The following HSPA12A variants were observed in gnomAD, a reference collection of about 807,000 sequenced individuals.
The protein encoded by HSPA12A is heat shock protein family A (Hsp70) member 12A.
A neutral mutation model predicts 69.2 loss-of-function variants in HSPA12A; 28 were observed. The ratio of observed to expected loss-of-function variants is 0.40; its 90% CI spans 0.30 to 0.55. The LOEUF (loss-of-function observed/expected upper bound fraction) is 0.55. HSPA12A is among the 20% of genes least tolerant of loss of function. HSPA12A has a pLI of 0.38. For synonymous variants in HSPA12A, 345 were observed against 370.5 expected (o/e 0.93, Z 0.79); for missense variants, 686 against 900.7 (o/e 0.76, Z 3.05).
upstream of HSPA12A, among the ~76,000 whole-genome samples, chr10:116,850,742 C>G (rs948518373): frequency 6.6e-6 from 1 of 152,152 alleles, no homozygotes; most frequent in African/African-American, 2.4e-5. Flanking sequence ...TACTGAGCCC[C>G]TTGTGCTGCG....
chr10:116,769,010 G>GT (rs1393972931), intron 2 of HSPA12A, among the ~76,000 whole-genome samples: 2 of 152,172 alleles, frequency 1.3e-5, no homozygotes, highest in Admixed American at 6.5e-5. Context: ...ACTGGACGTT[G>GT]TGATTCTTGC....
intron 1 of HSPA12A, chr10:116,849,545 C>T: frequency 6.6e-7 from 1 of 1,512,232 alleles, no homozygotes; most frequent in Non-Finnish European, 8.9e-7. Flanking sequence ...CTAAACCCCG[C>T]TGTAGCCTTA....
chr10:116,746,511 C>T (rs1233924326), upstream of HSPA12A, among the ~76,000 whole-genome samples: 3 of 152,178 alleles, frequency 2.0e-5, no homozygotes, highest in Non-Finnish European at 4.4e-5. Flanking sequence ...TGGACCAGGG[C>T]TCAAGTGGGC....
chr10:116,714,622 T>G (rs1354569024), intron 1 of HSPA12A, among the ~76,000 whole-genome samples: 1 of 152,168 alleles, frequency 6.6e-6, no homozygotes, highest in African/African-American at 2.4e-5. Context: ...CTGGTCAAAA[T>G]CAAGGTCTGC....
intron 3 of HSPA12A, among the ~76,000 whole-genome samples, chr10:116,702,357 T>A (rs1850104966): frequency 6.6e-6 from 1 of 152,066 alleles, no homozygotes; most frequent in African/African-American, 2.4e-5. Flanking sequence ...GGAGGGAAAA[T>A]GAGCCACTTT....
At chr10:116,728,747 G>A (rs1228536240) in intron 1 of HSPA12A, among the ~76,000 whole-genome samples, 8 of 152,280 alleles carry the variant, frequency 5.3e-5, no homozygotes, top group Non-Finnish European at 8.8e-5. Flanking sequence ...TATATGCAGA[G>A]CAGGAGTTTT....
intron 2 of HSPA12A, among the ~76,000 whole-genome samples, chr10:116,756,990 T>G (rs1843864180): frequency 6.6e-6 from 1 of 152,216 alleles, no homozygotes; most frequent in Non-Finnish European, 1.5e-5. Flanking sequence ...TTTAATTCAC[T>G]TAATCTTCCA....
intron 2 of HSPA12A, among the ~76,000 whole-genome samples, chr10:116,809,092 G>A (rs986165663): frequency 5.3e-5 from 8 of 152,282 alleles, no homozygotes; most frequent in Admixed American, 5.2e-4. Flanking sequence ...CCGATCTCTA[G>A]AGGCAGGGAA....
At chr10:116,751,187 C>A in intron 2 of HSPA12A, 1 of 240,788 alleles carries the variant, frequency 4.2e-6, no homozygotes, top group South Asian at 7.1e-5. Context: ...CCCAAAATGT[C>A]CCTTGCTCAG....
chr10:116,720,574 G>A (rs1424795777), intron 1 of HSPA12A, among the ~76,000 whole-genome samples: 1 of 152,254 alleles, frequency 6.6e-6, no homozygotes, highest in Non-Finnish European at 1.5e-5. Flanking sequence ...GCTGCAGGCT[G>A]ACTTGCTGGT....
chr10:116,797,584 A>G (rs1165412599), intron 2 of HSPA12A, among the ~76,000 whole-genome samples: 1 of 152,216 alleles, frequency 6.6e-6, no homozygotes, highest in Non-Finnish European at 1.5e-5. Flanking sequence ...CAAATGCAGT[A>G]TTGACACGCT....
At chr10:116,829,507 G>C (rs1015564254) in intron 2 of HSPA12A, 1 of 152,466 alleles carries the variant, frequency 6.6e-6, no homozygotes, top group Non-Finnish European at 1.5e-5. Flanking sequence ...CTGGGAAGGG[G>C]AGCCAAGGCG....
intron 2 of HSPA12A, among the ~76,000 whole-genome samples, chr10:116,805,248 G>A (rs563476434): frequency 1.5e-3 from 231 of 152,206 alleles, no homozygotes; most frequent in African/African-American, 3.0e-3. Flanking sequence ...CCCGGGAGGC[G>A]GAGCTTGCAG....
In HSPA12A at chr10:116,686,013, G is replaced by C. The variant is rs1169351104; in HGVS notation, c.664-2051C>G. ...GCCTGTCAGCTCAGCCCATGGGTCA[G>C]AGAAGCTGGGTCTGCCCTTAGGTGA... On this transcript the variant is annotated intron_variant, in intron 6 of 11. Transcript: ENST00000369209. The surrounding 1 kb of genome is among the most constrained non-coding windows in gnomAD (Gnocchi z 4.1). 6.6e-6 allele frequency among the ~76,000 whole-genome samples: 1 copy of C among 152,194 alleles called. No individual in the cohort carries two copies. The highest frequency in any genetic ancestry group is 1.5e-5 in the Non-Finnish European group (1 of 68,048).
At chr10:116,783,860 G>A (rs545108756) in intron 2 of HSPA12A, among the ~76,000 whole-genome samples, 52 of 152,104 alleles carry the variant, frequency 3.4e-4, no homozygotes, top group African/African-American at 9.6e-4. Context: ...GTGCCACCAC[G>A]CCCAGCTACT....
At position 116,831,583 on chromosome 10, in the gene HSPA12A, T is replaced by C. The variant is rs889488182; in HGVS notation, c.91+3352A>G. On this transcript the variant is annotated intron_variant, in intron 2 of 12. Coordinates refer to the HSPA12A transcript ENST00000635765. ...TTGTCCTTTGAGAAGGGTTAGGTAA[T>C]ATTCAACTGAACATAATTTCACCTT... The C allele has an allele frequency of 1.5e-4, 23 of 152,158 alleles. 1 individual carries two copies. Among genetic ancestry groups the C allele is most frequent in the Admixed American group, 1.4e-3 (21 of 15,282 alleles). 9.4% of individuals were successfully genotyped at this position (152,158 alleles called of 1,614,324 possible). A position where few individuals can be genotyped will look rare whatever the true frequency, so the allele number is the denominator to read the frequency against.
Position 116,675,439 on chromosome 10 carries a change from A to G in HSPA12A, c.1391-21T>C, listed in dbSNP as rs782245400. The G allele has an allele frequency of 1.5e-5, 23 of 1,543,594 alleles. No homozygotes were observed. The South Asian group carries it at 2.6e-4, about 17-fold the overall frequency. On this transcript the variant is annotated intron_variant, in intron 11 of 11. Coordinates refer to ENST00000369209, the MANE Select transcript of HSPA12A (RefSeq NM_025015.3). The surrounding 1 kb of genome is among the most constrained non-coding windows in gnomAD (Gnocchi z 5.2). ...GTCCCCTGGAAGGGAAGAGGCAGGG[A>G]GAATGTCCTGTCACCAAAAGCCAGC...
chr10:116,795,154 C>A (rs1179005282), intron 2 of HSPA12A, among the ~76,000 whole-genome samples: 1 of 152,132 alleles, frequency 6.6e-6, no homozygotes, highest in Admixed American at 6.6e-5. Context: ...CACCTTCATA[C>A]CCCCAAATGC....
In HSPA12A at chr10:116,692,399, G is replaced by A; in HGVS notation, c.615C>T (p.Ala205=). 1.2e-6 allele frequency: 2 copies of A among 1,614,166 alleles called. No homozygotes were observed. Among genetic ancestry groups the A allele is most frequent in the Non-Finnish European group, 1.7e-6 (2 of 1,180,030 alleles). The change falls in exon 6 of 12, where the codon GCC becomes GCT. Residue 205 remains alanine, a synonymous_variant. Coordinates refer to ENST00000369209, the MANE Select transcript of HSPA12A (RefSeq NM_025015.3). Reference sequence around the variant, plus strand: ...ACTGCTTGGCCGGCTGCTTCCAGATGGCAGGCACCGTGATGACCCATCTGA... The same window carrying A: ...ACTGCTTGGCCGGCTGCTTCCAGATAGCAGGCACCGTGATGACCCATCTGA... ...SDVRWVITVP[A]IWKQPAKQFM...
Sources: allele counts gnomAD v4.1 joint callset (sites outside exome capture counted in the v4.1 genomes callset), GRCh38; gene constraint gnomAD v4.1.1; non-coding constraint Gnocchi (gnomAD v3.1); transcripts MANE v1.5; gene names NCBI Gene and HGNC (gene_info 2026-07-23, HGNC 2026-07-21).